Variants in ZBTB41 observed in about 807,000 individuals in gnomAD.
ZBTB41 encodes the protein zinc finger and BTB domain containing 41, also known as zinc finger and BTB domain-containing protein 41.
In ZBTB41, 42 loss-of-function variants were observed where a neutral mutation model predicts 87.6. The observed-to-expected ratio is 0.48, with a 90% CI of 0.37 to 0.62. The LOEUF (loss-of-function observed/expected upper bound fraction) is 0.62, where lower values mean the gene tolerates loss of function less well. Ranked by LOEUF, ZBTB41 falls within the 20% of genes least tolerant of loss-of-function variation. ZBTB41 has a pLI of 0.00. For missense variants in ZBTB41, 799 were observed against 1,078.9 expected (o/e 0.74, Z 3.63); for synonymous variants, 364 against 364.0 (o/e 1.00, Z 0.00).
chr1:197,194,260 C>T (rs1016247854), intron 2 of ZBTB41, among the ~76,000 whole-genome samples: 1 of 152,022 alleles, frequency 6.6e-6, no homozygotes, highest in African/African-American at 2.4e-5. Context: ...TCAGGTGATC[C>T]GTCCACCTCG....
rs1659164592 is a variant in ZBTB41 at position 197,160,162 on chromosome 1, AC to A, written c.2075-149del. On this transcript the variant is annotated intron_variant, in intron 10 of 10. Coordinates refer to ENST00000367405, the MANE Select transcript of ZBTB41 (RefSeq NM_194314.3). Reference sequence around the variant, plus strand: ...TATACTATCACAAAATGCAGACAGTACAATAAACTGGTAAAAATAAGAAGCT... The same window carrying A: ...TATACTATCACAAAATGCAGACAGTAAATAAACTGGTAAAAATAAGAAGCT... 3.5e-5 allele frequency: 22 copies of A among 632,774 alleles called. No individual in the cohort carries two copies. The South Asian group carries it at 4.6e-4, about 13-fold the overall frequency. The allele number at this position is 632,774 out of a possible 1,614,324, so 39.2% of individuals were successfully genotyped here. A position where few individuals can be genotyped will look rare whatever the true frequency, so the allele number is the denominator to read the frequency against.
chr1:197,180,157 C>T (rs185557888), intron 6 of ZBTB41, among the ~76,000 whole-genome samples: 15 of 152,120 alleles, frequency 9.9e-5, no homozygotes, highest in Admixed American at 5.9e-4. Context: ...TTTTTCCATG[C>T]TTAAGTATGT....
intron 10 of ZBTB41, among the ~76,000 whole-genome samples, chr1:197,162,949 C>G (rs926142779): frequency 6.6e-6 from 1 of 152,124 alleles, no homozygotes; most frequent in Non-Finnish European, 1.5e-5. Flanking sequence ...TCTGTATTTG[C>G]CAACTATTAA....
rs1300161235 is a variant in ZBTB41, at chr1:197,200,384, C to T, written c.90G>A (p.Glu30=). ...AATGAGTATAGGTCACTTGGTCACA[C>T]TCCACTGCAACATTTCCTTCTGAAG... ...KDSSEGNVAV[E]CDQVTYTHSA... The change falls in exon 2 of 11, where the codon GAG becomes GAA. Residue 30 remains glutamate (E), a synonymous_variant. Transcript: ENST00000367405. 6.2e-7 allele frequency: 1 copy of T among 1,614,060 alleles called. No individual in the cohort carries two copies. The highest frequency in any genetic ancestry group is 1.7e-5 in the Admixed American group (1 of 60,000).
intron 7 of ZBTB41, 90 bp from the exon 8 acceptor site, chr1:197,176,760 A>C (rs1659619612): frequency 2.2e-6 from 2 of 928,402 alleles, no homozygotes; most frequent in African/African-American, 1.6e-5. Context: ...AAACAATGAA[A>C]ACTGGGCTGT....
intron 2 of ZBTB41, among the ~76,000 whole-genome samples, chr1:197,192,444 T>C (rs531842041): frequency 1.3e-5 from 2 of 152,300 alleles, no homozygotes; most frequent in South Asian, 4.2e-4. Flanking sequence ...CTAATAGAAC[T>C]GTTGTAATAA....
At chr1:197,167,149 T>C (rs931585459) in intron 10 of ZBTB41, among the ~76,000 whole-genome samples, 3 of 152,104 alleles carry the variant, frequency 2.0e-5, no homozygotes, top group Non-Finnish European at 4.4e-5. Context: ...GGATAATATA[T>C]CATGAACAGG....
At position 197,191,820 on chromosome 1, in the gene ZBTB41, T is replaced by C. The variant is rs750746845; in HGVS notation, c.1200A>G (p.Thr400=). 1 of 1,613,982 alleles carries C rather than the reference T, an allele frequency of 6.2e-7. No homozygotes were observed. Among genetic ancestry groups the C allele is most frequent in the South Asian group, 1.1e-5 (1 of 91,052 alleles). ...TTCTGTGAACAGTTAGGTTAGACTT[T>C]GTTGAATAGCGCTGGTGACAAATAT... The part of the protein sequence containing the change: ...ECDICHQRYS[T]KSNLTVHRKK... Residue 400 remains threonine, a synonymous_variant, in exon 3 of 11, where the codon ACA becomes ACG. Coordinates refer to ENST00000367405, the MANE Select transcript of ZBTB41 (RefSeq NM_194314.3).
chr1:197,165,533 C>T (rs1468470873), intron 10 of ZBTB41, among the ~76,000 whole-genome samples: 3 of 150,882 alleles, frequency 2.0e-5, no homozygotes, highest in African/African-American at 7.4e-5. Flanking sequence ...TGGCGTCAAC[C>T]CGGGAGGCGG....
chr1:197,180,012 C>A (rs59310838), intron 6 of ZBTB41, among the ~76,000 whole-genome samples: 2,091 of 152,132 alleles, frequency 0.014, 43 homozygotes, highest in African/African-American at 0.048. Flanking sequence ...CTAATGTCCG[C>A]GGCCTTCACA....
rs976487460 is a variant in ZBTB41, at chr1:197,199,911, T to A, written c.563A>T (p.Glu188Val). 1 of 1,612,034 alleles carries A rather than the reference T, an allele frequency of 6.2e-7. No individual in the cohort carries two copies. Among genetic ancestry groups the A allele is most frequent in the Non-Finnish European group, 8.5e-7 (1 of 1,179,088 alleles). Residue 188 changes from glutamate (E) to valine (V), a missense_variant, in exon 2 of 11, where the codon GAA (glutamate) becomes GTA (valine). Coordinates refer to ENST00000367405, the MANE Select transcript of ZBTB41 (RefSeq NM_194314.3). ...TAGTGTTTCTTCTGGTGATGACTTT[T>A]CAGTTAGCTCTGAATGAAAAGGGGC... The part of the protein sequence containing the change: ...NVAPFHSELT[E>V]KSSPEETLNE...
At position 197,200,462 on chromosome 1, in the gene ZBTB41, C is replaced by T; in HGVS notation, c.12G>A (p.Arg4=). 1 of 1,589,478 alleles carries T rather than the reference C, an allele frequency of 6.3e-7. No individual in the cohort carries two copies. Among genetic ancestry groups the T allele is most frequent in the East Asian group, 2.2e-5 (1 of 44,718 alleles). MKK[R]RKVTSNLEKI... ...TCTCAAGATTTGAAGTAACCTTTCT[C>T]CTCTTCTTCATTGCAGTACAGCAAT... The change falls in exon 2 of 11, where the codon AGG becomes AGA. Residue 4 remains arginine, a synonymous_variant. Coordinates refer to ENST00000367405, the MANE Select transcript of ZBTB41 (RefSeq NM_194314.3).
At chr1:197,193,077 C>A (rs1243504500) in intron 2 of ZBTB41, among the ~76,000 whole-genome samples, 1 of 152,088 alleles carries the variant, frequency 6.6e-6, no homozygotes, top group Non-Finnish European at 1.5e-5. Flanking sequence ...ATATGCATAT[C>A]TGATATGCAT....
chr1:197,166,052 G>C (rs1656442637), intron 10 of ZBTB41, among the ~76,000 whole-genome samples: 1 of 151,938 alleles, frequency 6.6e-6, no homozygotes, highest in Non-Finnish European at 1.5e-5. Flanking sequence ...GGATGGGGGG[G>C]CCTGGGGAGG....
chr1:197,171,991 G>A (rs1659491050), intron 10 of ZBTB41, among the ~76,000 whole-genome samples, 169 bp downstream of exon 10: 1 of 151,734 alleles, frequency 6.6e-6, no homozygotes. Context: ...TGAGAATATT[G>A]TTCAGTCATG....
intron 4 of ZBTB41, 110 bp downstream of exon 4, chr1:197,190,652 A>G (rs368615792): frequency 8.0e-6 from 5 of 628,302 alleles, no homozygotes; most frequent in East Asian, 3.3e-5. Flanking sequence ...GGAAAATTCT[A>G]AAAGTGAGAT....
intron 5 of ZBTB41, among the ~76,000 whole-genome samples, chr1:197,186,026 G>A (rs1394487058): frequency 6.6e-6 from 1 of 151,816 alleles, no homozygotes; most frequent in Non-Finnish European, 1.5e-5. Context: ...CAACACTGAA[G>A]GAGAAAAATA....
Position 197,191,879 on chromosome 1 carries a change from G to A in ZBTB41, c.1141C>T (p.Arg381Cys), listed in dbSNP as rs943714676. Residue 381 changes from arginine (R) to cysteine (C), a missense_variant, in exon 3 of 11, where the codon CGT (arginine) becomes TGT (cysteine). By Grantham distance (180) the Arg-to-Cys change is radical. Around this residue, in one of 5 missense-constraint regions of ZBTB41, gnomAD observed 294 missense variants for 340.1 expected, o/e 0.86. Coordinates refer to ENST00000367405, the MANE Select transcript of ZBTB41 (RefSeq NM_194314.3). Reference protein sequence around the residue: ...DRIGKYESHTRVHTGEKPFEC... With the variant: ...DRIGKYESHTCVHTGEKPFEC... ...AAGGGCTTCTCACCTGTGTGAACAC[G>A]GGTGTGGCTCTCATATTTTCCTATA... is the stretch of plus-strand genomic sequence containing the variant. The A allele has an allele frequency of 2.5e-6, 4 of 1,608,874 alleles. No individual in the cohort carries two copies. Among genetic ancestry groups the A allele is most frequent in the South Asian group, 1.1e-5 (1 of 89,378 alleles).
chr1:197,172,143 C>A lies in ZBTB41; in HGVS notation c.2074+17G>T. 8.5e-7 allele frequency: 1 copy of A among 1,178,696 alleles called. No homozygotes were observed. Among genetic ancestry groups the A allele is most frequent in the Non-Finnish European group, 1.1e-6 (1 of 877,964 alleles). 73.0% of individuals were successfully genotyped at this position (1,178,696 alleles called of 1,614,324 possible). A position where few individuals can be genotyped will look rare whatever the true frequency, so the allele number is the denominator to read the frequency against. On this transcript the variant is annotated intron_variant, in intron 10 of 10. Transcript: ENST00000367405. Reference sequence around the variant, plus strand: ...TCTCTATATATATATATCTATGAACCACTCATTAAATTTTACCTGAATGCG... The same window carrying A: ...TCTCTATATATATATATCTATGAACAACTCATTAAATTTTACCTGAATGCG...
Sources: allele counts gnomAD v4.1 joint callset (sites outside exome capture counted in the v4.1 genomes callset), GRCh38; gene constraint gnomAD v4.1.1; regional missense constraint gnomAD v4.1.1; transcripts MANE v1.5; gene names NCBI Gene and HGNC (gene_info 2026-07-23, HGNC 2026-07-21).